Variants in TPRG1 observed in about 807,000 individuals in gnomAD.
The protein encoded by TPRG1 is tumor protein p63 regulated 1.
In TPRG1, 29 loss-of-function variants were observed where a neutral mutation model predicts 29.3. The observed-to-expected ratio is 0.99, with a 90% CI of 0.74 to 1.35. The LOEUF (loss-of-function observed/expected upper bound fraction) is 1.35, where lower values mean the gene tolerates loss of function less well. TPRG1 is among the 40% of genes most tolerant of loss of function. TPRG1 has a pLI of 0.00. For missense variants in TPRG1, 327 were observed against 335.0 expected, an observed-to-expected ratio of 0.98 and a Z score of 0.19; for synonymous variants, 130 against 116.8, an observed-to-expected ratio of 1.11 and a Z score of -0.73.
At chr3:189,118,577 G>GCCGGGGTC (rs567660118) in intron 1 of TPRG1, among the ~76,000 whole-genome samples, 145 of 152,166 alleles carry the variant, frequency 9.5e-4, no homozygotes, top group Non-Finnish European at 1.7e-3. Context: ...TGGTTGTGTA[G>GCCGGGGTC]CCTGGGCCCA....
At chr3:189,312,129 CTTTCTTTCT>C (rs1560689069) in intron 5 of TPRG1, among the ~76,000 whole-genome samples, 5 of 38,176 alleles carry the variant, frequency 1.3e-4, no homozygotes, top group Non-Finnish European at 1.7e-4. Context: ...TTCTTTCTTT[CTTTCTTTCT>C]TTCTTTCTTT....
chr3:189,292,816 C>T (rs1211617768), intron 4 of TPRG1, among the ~76,000 whole-genome samples: 1 of 152,170 alleles, frequency 6.6e-6, no homozygotes, highest in African/African-American at 2.4e-5. Flanking sequence ...TAAATACTAC[C>T]TGGCAACGAG....
At chr3:189,053,169 G>A (rs1180998870) in intron 4 of TPRG1, among the ~76,000 whole-genome samples, 3 of 152,146 alleles carry the variant, frequency 2.0e-5, no homozygotes, top group African/African-American at 7.2e-5. Flanking sequence ...TCCTATATCA[G>A]CACTTGCTGC....
At chr3:189,017,218 T>C (rs1376404918) in intron 3 of TPRG1, among the ~76,000 whole-genome samples, 1 of 136,898 alleles carries the variant, frequency 7.3e-6, no homozygotes, top group Non-Finnish European at 1.6e-5. Flanking sequence ...TTTTTTTTTA[T>C]TAAAATATAT....
At chr3:189,175,523 A>G (rs1560514854) in intron 1 of TPRG1, among the ~76,000 whole-genome samples, 1 of 152,206 alleles carries the variant, frequency 6.6e-6, no homozygotes, top group Admixed American at 6.5e-5. Context: ...TTGACCAGAC[A>G]TTAGTTCATG....
intron 4 of TPRG1, among the ~76,000 whole-genome samples, chr3:189,093,921 G>GA (rs1560439992): frequency 6.6e-6 from 1 of 152,068 alleles, no homozygotes; most frequent in African/African-American, 2.4e-5. Context: ...TCTGGATAAA[G>GA]AAAGCAGCCC....
At chr3:189,271,751 C>T (rs556524411) in intron 4 of TPRG1, among the ~76,000 whole-genome samples, 69 of 152,120 alleles carry the variant, frequency 4.5e-4, no homozygotes, top group Non-Finnish European at 7.4e-4. Flanking sequence ...GAGACATGGA[C>T]GACTGAGGTA....
At chr3:189,262,617 C>G (rs1357258895) in intron 4 of TPRG1, among the ~76,000 whole-genome samples, 1 of 152,158 alleles carries the variant, frequency 6.6e-6, no homozygotes, top group Non-Finnish European at 1.5e-5. Context: ...GTGGAAAGCA[C>G]TTTGAAGGAG....
rs571474497 is a variant in TPRG1 at position 189,065,505 on chromosome 3, G to A, written c.-463+41559G>A. Among the ~76,000 whole-genome samples the A allele has an allele frequency of 4.0e-5, 6 of 151,890 alleles. No homozygotes were observed. In the East Asian group the frequency reaches 1.2e-3, roughly 29 times the overall value. On this transcript the variant is annotated intron_variant, in intron 4 of 10. Transcript: ENST00000433971. Reference sequence around the variant, plus strand: ...ACAGATTTATTTCAGGTATAGAAAAGTGACTTAACACTCAAAAATCATTCA... The same window carrying A: ...ACAGATTTATTTCAGGTATAGAAAAATGACTTAACACTCAAAAATCATTCA...
chr3:189,109,075 T>TTA, intron 1 of TPRG1, among the ~76,000 whole-genome samples: 1 of 151,958 alleles, frequency 6.6e-6, no homozygotes, highest in Non-Finnish European at 1.5e-5. Flanking sequence ...TTTAAGGGTA[T>TTA]AGACAAAGTA....
chr3:189,213,506 A>C (rs1735586992), intron 2 of TPRG1, among the ~76,000 whole-genome samples: 2 of 152,212 alleles, frequency 1.3e-5, no homozygotes, highest in African/African-American at 4.8e-5. Context: ...TTTACCAAAG[A>C]TAAGAACAGC....
At chr3:189,023,427 G>C (rs963738384) in intron 3 of TPRG1, among the ~76,000 whole-genome samples, 1 of 152,102 alleles carries the variant, frequency 6.6e-6, no homozygotes, top group Non-Finnish European at 1.5e-5. Flanking sequence ...TAGCTTCTTC[G>C]CATTGAGTTA....
intron 3 of TPRG1, among the ~76,000 whole-genome samples, chr3:189,135,778 A>T (rs1723675449): frequency 6.6e-6 from 1 of 152,170 alleles, no homozygotes; most frequent in Non-Finnish European, 1.5e-5. Flanking sequence ...GATGCAGTGT[A>T]GTCCCTGTCA....
At chr3:189,163,975 A>C (rs1350789530) in intron 5 of TPRG1, among the ~76,000 whole-genome samples, 1 of 136,740 alleles carries the variant, frequency 7.3e-6, no homozygotes, top group Non-Finnish European at 1.5e-5. Flanking sequence ...TTTTCAAATA[A>C]GGTAAACTTT....
intron 1 of TPRG1, among the ~76,000 whole-genome samples, chr3:189,200,881 A>G (rs1733371185): frequency 1.3e-5 from 2 of 152,260 alleles, no homozygotes; most frequent in South Asian, 4.1e-4. Context: ...CCTAAATGCA[A>G]TATTAAGAGG....
intron 4 of TPRG1, among the ~76,000 whole-genome samples, chr3:189,261,603 G>C (rs1050635910): frequency 4.6e-5 from 7 of 152,118 alleles, no homozygotes; most frequent in Non-Finnish European, 1.0e-4. Flanking sequence ...CATAGCCTCT[G>C]CCACCAAGAT....
intron 5 of TPRG1, 57 bp from the exon 6 acceptor site, chr3:189,320,569 T>C: frequency 6.9e-7 from 1 of 1,459,448 alleles, no homozygotes; most frequent in Non-Finnish European, 9.2e-7. Context: ...GGGAGATGAG[T>C]ATCTCTCAAC....
At chr3:189,255,046 C>A (rs1711586866) in intron 4 of TPRG1, among the ~76,000 whole-genome samples, 1 of 152,166 alleles carries the variant, frequency 6.6e-6, no homozygotes, top group Non-Finnish European at 1.5e-5. Context: ...CTGGCCAGAA[C>A]TTCCAATACT....
At chr3:189,134,079 G>C (rs1723428831) in intron 3 of TPRG1, among the ~76,000 whole-genome samples, 1 of 152,126 alleles carries the variant, frequency 6.6e-6, no homozygotes, top group Non-Finnish European at 1.5e-5. Flanking sequence ...TCTTTCCATT[G>C]TATGGTTTGT....
Sources: allele counts gnomAD v4.1 joint callset (sites outside exome capture counted in the v4.1 genomes callset), GRCh38; gene constraint gnomAD v4.1.1; transcripts MANE v1.5; gene names NCBI Gene and HGNC (gene_info 2026-07-23, HGNC 2026-07-21).